Variants in SRD5A2 observed in about 807,000 individuals in gnomAD.
SRD5A2 encodes 3-oxo-5-alpha-steroid 4-dehydrogenase 2.
SRD5A2 carries 30 observed loss-of-function variants against 27.4 expected under a neutral mutation model. The ratio of observed to expected loss-of-function variants is 1.10; its 90% confidence interval spans 0.82 to 1.49. The LOEUF (loss-of-function observed/expected upper bound fraction) is 1.49. Ranked by LOEUF, SRD5A2 falls within the 40% of genes most tolerant of loss-of-function variation. The pLI, the probability that SRD5A2 is intolerant of heterozygous loss-of-function variation, is 0.00. For missense variants in SRD5A2, 348 were observed against 323.4 expected (o/e 1.08, Z -0.58); for synonymous variants, 141 against 133.6 (o/e 1.06, Z -0.38).
At chr2:31,652,537 C>T in the SRD5A2 span, among the ~76,000 whole-genome samples, 1 of 151,796 alleles carries the variant, frequency 6.6e-6, no homozygotes, top group Admixed American at 6.6e-5. Context: ...GGATATTGTA[C>T]CCATAAAACA....
chr2:31,612,587 A>ACCAAATGT, the SRD5A2 span, among the ~76,000 whole-genome samples: 1 of 152,220 alleles, frequency 6.6e-6, no homozygotes, highest in South Asian at 2.1e-4. Flanking sequence ...AAATGTCTAC[A>ACCAAATGT]CTAACCAAAG....
intron 1 of SRD5A2, among the ~76,000 whole-genome samples, chr2:31,540,826 G>A (rs1371148083): frequency 6.6e-6 from 1 of 152,236 alleles, no homozygotes; most frequent in African/African-American, 2.4e-5. Context: ...GTTGCACACA[G>A]CTTGAAGGAG....
intron 1 of SRD5A2, among the ~76,000 whole-genome samples, chr2:31,557,844 C>T (rs563635922): frequency 6.6e-6 from 1 of 152,214 alleles, no homozygotes; most frequent in Non-Finnish European, 1.5e-5. Flanking sequence ...GAACTCATCA[C>T]GAAAGCAGCC....
At chr2:31,648,900 C>A in the SRD5A2 span, among the ~76,000 whole-genome samples, 5 of 152,298 alleles carry the variant, frequency 3.3e-5, no homozygotes, top group East Asian at 9.6e-4. Context: ...GTTCTACGTG[C>A]TTCAGTTGCC....
intron 1 of SRD5A2, among the ~76,000 whole-genome samples, chr2:31,562,361 A>T (rs1666642798): frequency 6.6e-6 from 1 of 152,166 alleles, no homozygotes; most frequent in Non-Finnish European, 1.5e-5. Context: ...CACCACCTCA[A>T]ATATTGATCC....
chr2:31,565,919 C>T (rs965779843), intron 1 of SRD5A2, among the ~76,000 whole-genome samples: 1 of 151,944 alleles, frequency 6.6e-6, no homozygotes, highest in African/African-American at 2.4e-5. Context: ...CATGTTTACA[C>T]AGAACAATTA....
the SRD5A2 span, among the ~76,000 whole-genome samples, chr2:31,595,367 G>C: frequency 6.6e-6 from 1 of 152,104 alleles, no homozygotes; most frequent in Non-Finnish European, 1.5e-5. Context: ...AAATGAAATG[G>C]CAGATATCAC....
At chr2:31,638,453 A>C in the SRD5A2 span, among the ~76,000 whole-genome samples, 1 of 152,064 alleles carries the variant, frequency 6.6e-6, no homozygotes, top group Non-Finnish European at 1.5e-5. Flanking sequence ...TACTAGGTTT[A>C]GTATGTAGTT....
chr2:31,574,333 G>A (rs891602539), intron 1 of SRD5A2, among the ~76,000 whole-genome samples: 1 of 152,166 alleles, frequency 6.6e-6, no homozygotes, highest in Non-Finnish European at 1.5e-5. Context: ...AGGAGACCAG[G>A]CTTCAAGCTC....
intron 2 of SRD5A2, 89 bp from the exon 3 acceptor site, chr2:31,531,561 G>GGGGCATTTAATTCCAAAAAATGAAGGGAA (rs71405574): frequency 0.11 from 94,124 of 819,866 alleles, 7,229 homozygotes; most frequent in African/African-American, 0.21. Context: ...AATGAAAGGA[G>GGGGCATTTAATTCCAAAAAATGAAGGGAA]GGGCATTTAA....
chr2:31,567,456 G>GTGTATTTA (rs143408801), intron 1 of SRD5A2, among the ~76,000 whole-genome samples: 1 of 140,240 alleles, frequency 7.1e-6, no homozygotes, highest in Admixed American at 7.1e-5. Context: ...GTGTGTGTGT[G>GTGTATTTA]TATATATATA....
At chr2:31,576,133 A>G (rs1666955431) in intron 1 of SRD5A2, among the ~76,000 whole-genome samples, 2 of 140,422 alleles carry the variant, frequency 1.4e-5, no homozygotes, top group African/African-American at 2.7e-5. Flanking sequence ...AACAAAAGCC[A>G]AAATTGACAA....
upstream of SRD5A2, among the ~76,000 whole-genome samples, chr2:31,583,650 A>AAAAAAAAAAAAAG (rs1667125131): frequency 7.0e-5 from 2 of 28,528 alleles, no homozygotes; most frequent in African/African-American, 2.0e-4. Flanking sequence ...CAAAAAAAAA[A>AAAAAAAAAAAAAG]CCAAAAAAAA....
intron 1 of SRD5A2, among the ~76,000 whole-genome samples, chr2:31,568,095 G>A (rs1461209203): frequency 6.6e-6 from 1 of 152,152 alleles, no homozygotes; most frequent in East Asian, 1.9e-4. Flanking sequence ...TCCACTGTGG[G>A]CACCCACATC....
chr2:31,611,744 T>A, the SRD5A2 span, among the ~76,000 whole-genome samples: 1 of 152,160 alleles, frequency 6.6e-6, no homozygotes, highest in East Asian at 1.9e-4. Context: ...TTTGGAGAAC[T>A]GTTTGGCTAT....
At chr2:31,656,663 A>G in the SRD5A2 span, among the ~76,000 whole-genome samples, 2 of 152,176 alleles carry the variant, frequency 1.3e-5, no homozygotes, top group African/African-American at 4.8e-5. Flanking sequence ...AACATCTTGG[A>G]AGCAGAGAGA....
At position 31,545,507 on chromosome 2, in the gene SRD5A2, G is replaced by A. The variant is rs1017568065; in HGVS notation, c.282-11741C>T. 3.3e-5 allele frequency among the ~76,000 whole-genome samples: 5 copies of A among 152,168 alleles called. No homozygotes were observed. The South Asian group carries it at 1.0e-3, about 32-fold the overall frequency. ...TGGTCAATTAATTGATGCAGAAAAA[G>A]CATTTGAAAAATTCACTCTTTCATG... On this transcript the variant is annotated intron_variant, in intron 1 of 4. Transcript: ENST00000622030.
At chr2:31,638,516 G>C in the SRD5A2 span, among the ~76,000 whole-genome samples, 1 of 151,950 alleles carries the variant, frequency 6.6e-6, no homozygotes, top group African/African-American at 2.4e-5. Context: ...TAGTAACAGT[G>C]GGGTGTTAAA....
the SRD5A2 span, among the ~76,000 whole-genome samples, chr2:31,645,109 C>G: frequency 6.6e-6 from 1 of 152,094 alleles, no homozygotes; most frequent in Non-Finnish European, 1.5e-5. Flanking sequence ...ACTTGTTTCT[C>G]TAGTAACACA....
Sources: allele counts gnomAD v4.1 joint callset (sites outside exome capture counted in the v4.1 genomes callset), GRCh38; gene constraint gnomAD v4.1.1; transcripts MANE v1.5; gene names NCBI Gene and HGNC (gene_info 2026-07-23, HGNC 2026-07-21).